Variants in DZANK1 observed in about 807,000 individuals in gnomAD.
DZANK1 encodes the protein double zinc ribbon and ankyrin repeat domains 1, also known as double zinc ribbon and ankyrin repeat-containing protein 1.
In DZANK1, 91 loss-of-function variants were observed where a neutral mutation model predicts 94.5. The observed-to-expected ratio is 0.96, with a 90% CI of 0.81 to 1.15. The LOEUF is 1.15. Ranked by LOEUF, DZANK1 falls within the 50% of genes most tolerant of loss-of-function variation. The probability of loss-of-function intolerance (pLI) is 0.00; values close to 1 mark genes in which losing one functional copy is unlikely to be tolerated. For synonymous variants in DZANK1, 312 were observed against 325.3 expected, an observed-to-expected ratio of 0.96 and a Z score of 0.44; for missense variants, 903 against 916.4, an observed-to-expected ratio of 0.99 and a Z score of 0.19.
exon 19 of DZANK1, chr20:18,389,767 T>C (rs973873116): frequency 6.2e-7 from 1 of 1,614,014 alleles, no homozygotes; most frequent in Non-Finnish European, 8.5e-7. Flanking sequence ...ATGGTGCTTA[T>C]TCATAACAGC....
In DZANK1 at chr20:18,429,054, A is replaced by C. The variant is rs140958248; in HGVS notation, c.862-1895T>G. ...CTTCAAAGTTACTTAAAGTTGCCAC[A>C]GCATAATCAGCAATTGGCCAGCATT... On this transcript the variant is annotated intron_variant, in intron 9 of 20. Coordinates refer to ENST00000262547, the Ensembl canonical transcript of DZANK1. Among the ~76,000 whole-genome samples, 434 of 152,346 alleles carry C rather than the reference A, an allele frequency of 2.8e-3. 1 individual carries two copies. The highest frequency in any genetic ancestry group is 4.7e-3 in the Non-Finnish European group (318 of 68,026).
Position 18,412,224 on chromosome 20 carries a change from G to A in DZANK1, c.1432+422C>T, listed in dbSNP as rs565886401. Reference sequence around the variant, plus strand: ...GATCCTCCAGCCTTGGCCTCCCAAAGTGCTGGGATTGCAGGCATGAGTCAC... The same window carrying A: ...GATCCTCCAGCCTTGGCCTCCCAAAATGCTGGGATTGCAGGCATGAGTCAC... On this transcript the variant is annotated intron_variant, in intron 13 of 20. Transcript: ENST00000262547. Among the ~76,000 whole-genome samples, 11 of 152,292 alleles carry A rather than the reference G, an allele frequency of 7.2e-5. No homozygotes were observed. The South Asian group carries it at 2.3e-3, about 32-fold the overall frequency.
exon 17 of DZANK1, chr20:18,393,778 A>T: frequency 6.2e-7 from 1 of 1,613,322 alleles, no homozygotes; most frequent in South Asian, 1.1e-5. Flanking sequence ...GATTTTTTCA[A>T]TAGTATCTGA....
In DZANK1 at chr20:18,441,058, C is replaced by T. The variant is rs1412020889; in HGVS notation, c.747+2289G>A. ...CATGACTTAAAGGTCCTGAGCTTGT[C>T]GTTTTCTTTCTGTGAATGCTCCCAT... On this transcript the variant is annotated intron_variant, in intron 8 of 20. Coordinates refer to ENST00000262547, the Ensembl canonical transcript of DZANK1. The surrounding 1 kb of genome is among the most constrained non-coding windows in gnomAD (Gnocchi z 4.1). Among the ~76,000 whole-genome samples, 4 of 152,152 alleles carry T rather than the reference C, an allele frequency of 2.6e-5. No individual in the cohort carries two copies. Among genetic ancestry groups the T allele is most frequent in the Non-Finnish European group, 5.9e-5 (4 of 68,024 alleles).
rs187433043 is a variant in DZANK1, at chr20:18,387,696, T to A, written c.2018+2005A>T. 1.2e-3 allele frequency among the ~76,000 whole-genome samples: 190 copies of A among 152,350 alleles called. 1 individual carries two copies. Among genetic ancestry groups the A allele is most frequent in the South Asian group, 1.2e-3 (6 of 4,824 alleles). On this transcript the variant is annotated intron_variant, in intron 19 of 20. Transcript: ENST00000262547. ...GAGGAATGAGCTTTGGTGGAGGATGTGAATTTCTCCTGGCCATTCCCTTTT... is the reference window on the plus strand; with the variant it reads ...GAGGAATGAGCTTTGGTGGAGGATGAGAATTTCTCCTGGCCATTCCCTTTT...
chr20:18,407,119 G>A (rs1276147320), intron 13 of DZANK1, among the ~76,000 whole-genome samples: 1 of 152,222 alleles, frequency 6.6e-6, no homozygotes, highest in Admixed American at 6.5e-5. Flanking sequence ...AGGCCTGGTA[G>A]AACTCACCAC....
At chr20:18,431,956 A>G (rs1339125148) in intron 9 of DZANK1, among the ~76,000 whole-genome samples, 1 of 152,232 alleles carries the variant, frequency 6.6e-6, no homozygotes, top group East Asian at 1.9e-4. Flanking sequence ...AATTATTCCT[A>G]TTATAACTTA....
At chr20:18,459,715 C>T (rs752223335) in intron 3 of DZANK1, among the ~76,000 whole-genome samples, 12 of 152,040 alleles carry the variant, frequency 7.9e-5, no homozygotes, top group Non-Finnish European at 1.3e-4. Flanking sequence ...GTTGAAATGA[C>T]AGTAGCTTTG....
intron 10 of DZANK1, among the ~76,000 whole-genome samples, chr20:18,417,216 A>G (rs2057538083): frequency 6.6e-6 from 1 of 152,242 alleles, no homozygotes; most frequent in South Asian, 2.1e-4. Flanking sequence ...TACAATTTTT[A>G]GAACAAATTC....
intron 10 of DZANK1, among the ~76,000 whole-genome samples, chr20:18,425,548 C>T (rs1042659349): frequency 6.9e-6 from 1 of 145,776 alleles, no homozygotes; most frequent in African/African-American, 2.6e-5. Context: ...GAGACTCCAT[C>T]TCAAAAAAAA....
chr20:18,443,518 AGAC>A, intron 7 of DZANK1, 54 bp from the exon 8 acceptor site: 2 of 1,020,910 alleles, frequency 2.0e-6, no homozygotes, highest in East Asian at 6.1e-5. Context: ...CACATTAAGA[AGAC>A]TGATAAAAAT....
In DZANK1 at chr20:18,453,729, A is replaced by T; in HGVS notation, c.475+2T>A. On this transcript the variant is annotated splice_donor_variant, in intron 5 of 20. Transcript: ENST00000262547. LOFTEE classifies it high-confidence loss of function. ...CCTTGTCTTTGTTCTGTCACATCATACCTGGAAACTTTCTAAGGTTAACAT... is the reference window on the plus strand; with the variant it reads ...CCTTGTCTTTGTTCTGTCACATCATTCCTGGAAACTTTCTAAGGTTAACAT... The T allele has an allele frequency of 6.2e-7, 1 of 1,603,526 alleles. No individual in the cohort carries two copies. The highest frequency in any genetic ancestry group is 8.5e-7 in the Non-Finnish European group (1 of 1,171,478).
At chr20:18,451,644 T>C (rs1443727163) in intron 6 of DZANK1, among the ~76,000 whole-genome samples, 2 of 152,160 alleles carry the variant, frequency 1.3e-5, no homozygotes, top group African/African-American at 4.8e-5. Context: ...ACACCTCCAC[T>C]TGGATGTCTA....
At chr20:18,414,593 A>G (rs1428375253) in intron 11 of DZANK1, 81 bp from the exon 12 acceptor site, 6 of 1,467,692 alleles carry the variant, frequency 4.1e-6, no homozygotes, top group Non-Finnish European at 5.5e-6. Context: ...ACAAATTAAC[A>G]TATGCCCAGA....
Position 18,402,960 on chromosome 20 carries a change from T to C in DZANK1, c.1433-4334A>G, listed in dbSNP as rs1474405220. On this transcript the variant is annotated intron_variant, in intron 13 of 20. Coordinates refer to ENST00000262547, the Ensembl canonical transcript of DZANK1. ...CAAAACTCAGAATCATGAGAGTCTG[T>C]GGTGTTTGAACCATGGGCCACTCCC... Among the ~76,000 whole-genome samples the C allele has an allele frequency of 2.6e-5, 4 of 152,292 alleles. No individual in the cohort carries two copies. In the East Asian group the frequency reaches 7.7e-4, roughly 29 times the overall value.
chr20:18,406,427 C>T (rs2056968693), intron 13 of DZANK1, among the ~76,000 whole-genome samples: 1 of 152,218 alleles, frequency 6.6e-6, no homozygotes, highest in South Asian at 2.1e-4. Flanking sequence ...TCCCAGCTGA[C>T]ATTTCTAGGC....
At chr20:18,423,078 A>G (rs956376560) in intron 10 of DZANK1, among the ~76,000 whole-genome samples, 15 of 152,276 alleles carry the variant, frequency 9.9e-5, no homozygotes, top group African/African-American at 3.6e-4. Flanking sequence ...GCCCCATCAT[A>G]TTTTATAGAA....
At chr20:18,443,100 A>C (rs552453929) in intron 8 of DZANK1, among the ~76,000 whole-genome samples, 6 of 152,216 alleles carry the variant, frequency 3.9e-5, no homozygotes, top group African/African-American at 7.2e-5. Context: ...TTATCCATGC[A>C]TGCCTCATTA....
chr20:18,433,497 GCGCTACTGCACTCCAGC>G, intron 9 of DZANK1, 138 bp downstream of exon 9: 3 of 624,592 alleles, frequency 4.8e-6, no homozygotes, highest in Non-Finnish European at 8.3e-6. Context: ...AGCTGAGATT[GCGCTACTGCACTCCAGC>G]CTGTGTGACA....
Sources: allele counts gnomAD v4.1 joint callset (sites outside exome capture counted in the v4.1 genomes callset), GRCh38; gene constraint gnomAD v4.1.1; non-coding constraint Gnocchi (gnomAD v3.1); transcripts MANE v1.5; gene names NCBI Gene and HGNC (gene_info 2026-07-23, HGNC 2026-07-21).